PTPRD: variants seen among roughly 807,000 people sequenced by gnomAD.
PTPRD encodes protein tyrosine phosphatase receptor type D, also known as receptor-type tyrosine-protein phosphatase delta.
A neutral mutation model predicts 214.5 loss-of-function variants in PTPRD; 34 were observed. That is an observed-to-expected ratio of 0.16 (90% confidence interval 0.12 to 0.21). The LOEUF is 0.21. PTPRD is among the 10% of genes least tolerant of loss of function. The pLI, the probability that PTPRD is intolerant of heterozygous loss-of-function variation, is 1.00. For missense variants in PTPRD, 2,545 were observed against 2,398.7 expected (o/e 1.06, Z -1.27); for synonymous variants, 1,128 against 845.7 (o/e 1.33, Z -5.79).
In PTPRD at chr9:10,504,197, G is replaced by C. The variant is rs977113076; in HGVS notation, c.-600+108201C>G. Among the ~76,000 whole-genome samples, 6 of 147,512 alleles carry C rather than the reference G, an allele frequency of 4.1e-5. No individual in the cohort carries two copies. In the East Asian group the frequency reaches 1.2e-3, roughly 30 times the overall value. On this transcript the variant is annotated intron_variant, in intron 2 of 45. Coordinates refer to ENST00000381196, the MANE Select transcript of PTPRD (RefSeq NM_002839.4). ...ATTCTTGAGTCTAAAGCCAAAGGCG[G>C]TAACTATTGCTGTAACAGGTGTGAT...
intron 11 of PTPRD, among the ~76,000 whole-genome samples, chr9:8,786,577 G>A (rs895059478): frequency 3.3e-5 from 5 of 151,836 alleles, no homozygotes; most frequent in African/African-American, 1.2e-4. Context: ...ACCACGCCCG[G>A]CTAATTTTTG....
At chr9:9,356,877 G>C (rs2054000353) in intron 9 of PTPRD, among the ~76,000 whole-genome samples, 1 of 151,316 alleles carries the variant, frequency 6.6e-6, no homozygotes, top group Non-Finnish European at 1.5e-5. Context: ...TAAGAGATAA[G>C]ATATAAAGCT....
At chr9:9,177,086 G>A (rs1220059790) in intron 10 of PTPRD, among the ~76,000 whole-genome samples, 1 of 152,208 alleles carries the variant, frequency 6.6e-6, no homozygotes, top group African/African-American at 2.4e-5. Flanking sequence ...AGGTTTAATT[G>A]ACTCACAGTT....
At chr9:9,723,920 G>A (rs550401120) in intron 7 of PTPRD, among the ~76,000 whole-genome samples, 6 of 152,014 alleles carry the variant, frequency 3.9e-5, no homozygotes, top group African/African-American at 9.6e-5. Context: ...GATTCCTTAG[G>A]ATTTTCTACA....
intron 14 of PTPRD, among the ~76,000 whole-genome samples, chr9:8,547,638 AT>A (rs758240779): frequency 1.4e-5 from 2 of 142,750 alleles, no homozygotes; most frequent in Non-Finnish European, 3.0e-5. Flanking sequence ...GTGGAATCCT[AT>A]TTAAAAAAAA....
intron 9 of PTPRD, among the ~76,000 whole-genome samples, chr9:9,394,556 A>G (rs992911167): frequency 6.6e-6 from 1 of 152,148 alleles, no homozygotes; most frequent in African/African-American, 2.4e-5. Context: ...GTTTTCTTAT[A>G]TGTAAAGATG....
chr9:8,709,040 G>A (rs370543643), intron 12 of PTPRD, among the ~76,000 whole-genome samples: 1 of 151,836 alleles, frequency 6.6e-6, no homozygotes, highest in East Asian at 1.9e-4. Context: ...TATGGGATCT[G>A]AAAAACTGAT....
At chr9:10,564,492 G>C (rs2065039594) in intron 2 of PTPRD, among the ~76,000 whole-genome samples, 1 of 151,754 alleles carries the variant, frequency 6.6e-6, no homozygotes, top group Non-Finnish European at 1.5e-5. Context: ...CAGTATGATA[G>C]TTCCTGGAAG....
intron 2 of PTPRD, among the ~76,000 whole-genome samples, chr9:10,462,487 G>C (rs10756039): frequency 0.66 from 100,968 of 152,024 alleles, 34,414 homozygotes; most frequent in Non-Finnish European, 0.74. Context: ...ATTTAGCCTG[G>C]CTCATTCAAA....
At chr9:8,321,644 G>A (rs1031905507) in intron 44 of PTPRD, among the ~76,000 whole-genome samples, 2 of 150,852 alleles carry the variant, frequency 1.3e-5, no homozygotes, top group African/African-American at 4.9e-5. Flanking sequence ...ATACATATAA[G>A]GATGCCTAAA....
In PTPRD at chr9:10,158,647, T is replaced by A. The variant is rs79343729; in HGVS notation, c.-544-124857A>T. 1.4e-3 allele frequency among the ~76,000 whole-genome samples: 219 copies of A among 152,268 alleles called. 1 individual carries two copies. The highest frequency in any genetic ancestry group is 2.5e-3 in the Non-Finnish European group (170 of 68,016). On this transcript the variant is annotated intron_variant, in intron 3 of 45. Coordinates refer to ENST00000381196, the MANE Select transcript of PTPRD (RefSeq NM_002839.4). ...CTGGGCTGCAGATAAATAGAAGCATTCTGAGCATATGGTAAAAGAACCAAA... is the reference window on the plus strand; with the variant it reads ...CTGGGCTGCAGATAAATAGAAGCATACTGAGCATATGGTAAAAGAACCAAA...
In PTPRD at chr9:9,912,294, A is replaced by G. The variant is rs998588652; in HGVS notation, c.-368+26213T>C. Among the ~76,000 whole-genome samples, 5 of 152,180 alleles carry G rather than the reference A, an allele frequency of 3.3e-5. No homozygotes were observed. The East Asian group carries it at 9.6e-4, about 29-fold the overall frequency. On this transcript the variant is annotated intron_variant, in intron 5 of 45. Transcript: ENST00000381196. The stretch of plus-strand genomic sequence containing the variant: ...AAACAAAGGACTGTCATTTGTTCTG[A>G]GTTGGAATATACAAACTACAGCATA...
intron 11 of PTPRD, among the ~76,000 whole-genome samples, chr9:8,842,086 A>T (rs2097570248): frequency 6.6e-6 from 1 of 152,148 alleles, no homozygotes; most frequent in African/African-American, 2.4e-5. Context: ...TTGTATAACA[A>T]TGAGAATGAA....
chr9:8,851,988 A>T (rs2814719), intron 11 of PTPRD, among the ~76,000 whole-genome samples: 123,069 of 152,054 alleles, frequency 0.81, 50,142 homozygotes, highest in African/African-American at 0.91. Context: ...AATAACTGAT[A>T]TCCAACCATT....
At chr9:9,195,017 T>TAC (rs1381510977) in intron 9 of PTPRD, among the ~76,000 whole-genome samples, 2 of 139,772 alleles carry the variant, frequency 1.4e-5, no homozygotes, top group Non-Finnish European at 3.3e-5. Context: ...ATACCTATGG[T>TAC]ATATATGTGT....
chr9:9,142,712 A>G (rs1317141026), intron 10 of PTPRD, among the ~76,000 whole-genome samples: 3 of 152,154 alleles, frequency 2.0e-5, no homozygotes, highest in South Asian at 4.1e-4. Context: ...AAGAATTCAG[A>G]ATTTCTGACT....
At chr9:10,122,509 G>T (rs1231715625) in intron 3 of PTPRD, among the ~76,000 whole-genome samples, 1 of 151,890 alleles carries the variant, frequency 6.6e-6, no homozygotes, top group Non-Finnish European at 1.5e-5. Context: ...AGACTGGAAG[G>T]TTATGAAGAA....
chr9:8,796,190 G>T (rs1466790335), intron 11 of PTPRD, among the ~76,000 whole-genome samples: 1 of 152,162 alleles, frequency 6.6e-6, no homozygotes, highest in Non-Finnish European at 1.5e-5. Context: ...AAAACATATA[G>T]ATGAAGGGAT....
At chr9:8,940,584 G>A (rs1449934615) in intron 11 of PTPRD, among the ~76,000 whole-genome samples, 4 of 150,990 alleles carry the variant, frequency 2.6e-5, no homozygotes, top group East Asian at 2.0e-4. Flanking sequence ...GTGAGCCACC[G>A]CACCCAGCCT....
Sources: gnomAD v4.1 joint callset for allele counts (sites outside exome capture counted in the v4.1 genomes callset) on GRCh38, gnomAD v4.1.1 for gene constraint, MANE v1.5 for transcripts, NCBI Gene and HGNC (gene_info 2026-07-23, HGNC 2026-07-21) for gene names.